The following GLT8D2 variants were observed in gnomAD, a reference collection of about 807,000 sequenced individuals.
GLT8D2 encodes glycosyltransferase 8 domain containing 2.
In GLT8D2, 45 loss-of-function variants were observed where a neutral mutation model predicts 44.5. The ratio of observed to expected loss-of-function variants is 1.01; its 90% CI spans 0.80 to 1.30. GLT8D2 has a LOEUF of 1.30. Among genes scored for constraint, GLT8D2 ranks in the 50% most tolerant of loss-of-function variants. The probability of loss-of-function intolerance (pLI) is 0.00; values close to 1 mark genes in which losing one functional copy is unlikely to be tolerated. For missense variants in GLT8D2, 400 were observed against 430.4 expected (o/e 0.93, Z 0.62); for synonymous variants, 156 against 157.2 (o/e 0.99, Z 0.06).
upstream of GLT8D2, among the ~76,000 whole-genome samples, chr12:104,050,841 G>A (rs1204909050): frequency 2.0e-5 from 3 of 147,962 alleles, no homozygotes; most frequent in Non-Finnish European, 3.0e-5. Context: ...TTGAGACGGA[G>A]TCTCCCTCTG....
At chr12:104,035,668 G>C (rs1268719444) in intron 1 of GLT8D2, among the ~76,000 whole-genome samples, 2 of 152,234 alleles carry the variant, frequency 1.3e-5, no homozygotes, top group Non-Finnish European at 2.9e-5. Context: ...ATGGGACTAT[G>C]TGAAAAGACC....
chr12:104,016,718 AG>A (rs758183819), intron 3 of GLT8D2, among the ~76,000 whole-genome samples: 111 of 36,722 alleles, frequency 3.0e-3, no homozygotes, highest in African/African-American at 0.011. Flanking sequence ...AGAGAAAGAA[AG>A]AAAGAAAGAA....
At chr12:104,039,767 A>G (rs1880334280) in intron 1 of GLT8D2, among the ~76,000 whole-genome samples, 1 of 152,202 alleles carries the variant, frequency 6.6e-6, no homozygotes, top group Non-Finnish European at 1.5e-5. Context: ...AACTAGAAAT[A>G]CCATTTGACC....
At chr12:104,063,086 G>C (rs1240591158) in intron 1 of GLT8D2, among the ~76,000 whole-genome samples, 6 of 152,142 alleles carry the variant, frequency 3.9e-5, no homozygotes, top group East Asian at 1.9e-4. Context: ...CCATCCCCTT[G>C]CCAAGTCCAT....
Position 104,021,975 on chromosome 12 carries a change from G to GA in GLT8D2, c.-163-485dup, listed in dbSNP as rs1167003524. ...AGAAGAGGAAGAAGAGGAAGAGGAA[G>GA]AGGAAGAGGAAGAAGAAGAAGAAGA... On this transcript the variant is annotated intron_variant, in intron 1 of 10. Transcript: ENST00000360814. 1.5e-4 allele frequency among the ~76,000 whole-genome samples: 11 copies of GA among 71,830 alleles called. 5 individuals are homozygous for GA. The highest frequency in any genetic ancestry group is 2.4e-4 in the African/African-American group (4 of 16,960). The allele number at this position is 71,830 out of a possible 152,430, so 47.1% of individuals were successfully genotyped here.
chr12:104,022,770 ATG>A (rs1405262596), intron 1 of GLT8D2, among the ~76,000 whole-genome samples: 14 of 150,644 alleles, frequency 9.3e-5, no homozygotes, highest in South Asian at 2.1e-4. Context: ...ACACACACAC[ATG>A]CACACACACA....
Position 104,019,662 on chromosome 12 carries a change from G to A in GLT8D2, c.-14C>T. ...TAACAGAGCCATGTGTATTCACGCG[G>A]ATAAGAACTGTAACCTGTGGATTAA... On this transcript the variant is annotated 5_prime_UTR_variant, in exon 3 of 11. Transcript: ENST00000360814. 6.2e-7 allele frequency: 1 copy of A among 1,607,134 alleles called. No homozygotes were observed. Among genetic ancestry groups the A allele is most frequent in the Non-Finnish European group, 8.5e-7 (1 of 1,175,212 alleles).
At chr12:104,043,398 T>A (rs1311756878) in intron 1 of GLT8D2, among the ~76,000 whole-genome samples, 1 of 152,220 alleles carries the variant, frequency 6.6e-6, no homozygotes, top group Non-Finnish European at 1.5e-5. Context: ...AAAACTGAGC[T>A]TCTGGTATTT....
At chr12:104,044,363 C>A (rs1309085003) in intron 1 of GLT8D2, among the ~76,000 whole-genome samples, 1 of 152,170 alleles carries the variant, frequency 6.6e-6, no homozygotes, top group African/African-American at 2.4e-5. Context: ...GACTATAAGC[C>A]CCATGAAGGC....
intron 4 of GLT8D2, chr12:104,012,635 T>G (rs927614005): frequency 6.4e-6 from 3 of 466,148 alleles, no homozygotes; most frequent in Middle Eastern, 2.9e-4. Context: ...CTTCCTTCTC[T>G]CTCTCTCTCT....
chr12:104,045,524 G>A (rs1016115027), intron 1 of GLT8D2, among the ~76,000 whole-genome samples: 1 of 152,226 alleles, frequency 6.6e-6, no homozygotes, highest in Non-Finnish European at 1.5e-5. Context: ...TAGGGCCTGT[G>A]AGTAGGAAGA....
intron 1 of GLT8D2, among the ~76,000 whole-genome samples, chr12:104,047,340 C>G (rs980322096): frequency 4.1e-5 from 6 of 144,670 alleles, no homozygotes; most frequent in Non-Finnish European, 7.5e-5. Flanking sequence ...GTTTCGCTCT[C>G]GTTGCCCAGG....
chr12:104,031,550 G>A (rs1406186056), intron 1 of GLT8D2: 2 of 1,611,264 alleles, frequency 1.2e-6, no homozygotes, highest in Non-Finnish European at 1.7e-6. Context: ...GTGAAGGCCG[G>A]CGGGGAAGAT....
At chr12:104,025,851 G>A (rs997472784) in intron 1 of GLT8D2, among the ~76,000 whole-genome samples, 1 of 152,094 alleles carries the variant, frequency 6.6e-6, no homozygotes, top group African/African-American at 2.4e-5. Context: ...GAACCTAGAG[G>A]ATGACATGTG....
chr12:103,994,561 A>T (rs1873178190), intron 8 of GLT8D2, 60 bp from the exon 9 acceptor site: 1 of 1,486,786 alleles, frequency 6.7e-7, no homozygotes, highest in East Asian at 2.3e-5. Flanking sequence ...CTGGAAAATG[A>T]TCATTTTCTT....
At position 103,997,458 on chromosome 12, in the gene GLT8D2, A is replaced by C. The variant is rs1292773688; in HGVS notation, c.480T>G (p.Ile160Met). 3.7e-6 allele frequency: 6 copies of C among 1,609,698 alleles called. No homozygotes were observed. The highest frequency in any genetic ancestry group is 5.1e-6 in the Non-Finnish European group (6 of 1,176,006). ...EKVIYLDDDV[I>M]VQGDIQELYD... ...GGCAGTTAGCGAGAGTACCTTGTAC[A>C]ATTACATCATCGTCCAAATAGATGA... Residue 160 changes from isoleucine (I) to methionine (M), a missense_variant, in exon 7 of 11, where the codon ATT becomes ATG. Physicochemically the swap from Ile to Met is conservative, Grantham distance 10. Transcript: ENST00000360814.
intron 3 of GLT8D2, among the ~76,000 whole-genome samples, chr12:104,016,279 T>G (rs912456544): frequency 6.6e-6 from 1 of 152,148 alleles, no homozygotes; most frequent in Non-Finnish European, 1.5e-5. Context: ...CAGTAGTAAT[T>G]ATAAATACAT....
At chr12:104,033,826 G>A (rs9739314) in intron 1 of GLT8D2, among the ~76,000 whole-genome samples, 1 of 138,422 alleles carries the variant, frequency 7.2e-6, no homozygotes, top group Non-Finnish European at 1.6e-5. Flanking sequence ...ATATATATAT[G>A]TATATATTTT....
intron 4 of GLT8D2, chr12:104,012,829 AT>A (rs1876054888): frequency 1.4e-6 from 1 of 697,178 alleles, no homozygotes; most frequent in Admixed American, 2.0e-5. Flanking sequence ...TGGTATCCTA[AT>A]AAAAGGAGGA....
Sources: allele counts gnomAD v4.1 joint callset (sites outside exome capture counted in the v4.1 genomes callset), GRCh38; gene constraint gnomAD v4.1.1; transcripts MANE v1.5; gene names NCBI Gene and HGNC (gene_info 2026-07-23, HGNC 2026-07-21).